Variants in THRB observed in about 807,000 individuals in gnomAD.
THRB encodes nuclear receptor subfamily 1 group A member 2.
A neutral mutation model predicts 47.8 loss-of-function variants in THRB; 12 were observed. The observed-to-expected ratio is 0.25, with a 90% CI of 0.16 to 0.41. The LOEUF (loss-of-function observed/expected upper bound fraction) is 0.41, where lower values mean the gene tolerates loss of function less well. Among genes scored for constraint, THRB ranks in the 10% least tolerant of loss-of-function variants. The probability of loss-of-function intolerance (pLI) is 1.00; values close to 1 mark genes in which losing one functional copy is unlikely to be tolerated. For synonymous variants in THRB, 218 were observed against 212.2 expected (o/e 1.03, Z -0.24); for missense variants, 348 against 589.2 (o/e 0.59, Z 4.24).
intron 9 of THRB, among the ~76,000 whole-genome samples, chr3:24,129,226 C>T (rs2033432382): frequency 1.3e-5 from 2 of 152,134 alleles, no homozygotes; most frequent in African/African-American, 4.8e-5. Flanking sequence ...CTGTGATTTG[C>T]TTTTGTCTAG....
chr3:24,334,307 T>C (rs754500893), intron 2 of THRB, among the ~76,000 whole-genome samples: 4 of 152,150 alleles, frequency 2.6e-5, no homozygotes, highest in Non-Finnish European at 4.4e-5. Flanking sequence ...CACCAGAAGT[T>C]CCACTCTGCT....
chr3:24,269,200 T>G (rs1295314930), intron 3 of THRB, among the ~76,000 whole-genome samples: 1 of 151,926 alleles, frequency 6.6e-6, no homozygotes, highest in Admixed American at 6.6e-5. Flanking sequence ...GGAGAAGGAT[T>G]AAGGTTTTAA....
chr3:24,494,228 T>G (rs1248638628), intron 1 of THRB: 11 of 152,280 alleles, frequency 7.2e-5, no homozygotes, highest in Admixed American at 6.5e-4. Context: ...GCCAACCTTT[T>G]CCGAACCCCC....
intron 3 of THRB, among the ~76,000 whole-genome samples, chr3:24,236,227 A>G (rs1051316885): frequency 2.0e-5 from 3 of 152,170 alleles, no homozygotes; most frequent in African/African-American, 7.2e-5. Flanking sequence ...AATCCCAGGT[A>G]TGGAGGAAAG....
At chr3:24,294,243 T>G (rs1423926814) in intron 3 of THRB, among the ~76,000 whole-genome samples, 3 of 152,210 alleles carry the variant, frequency 2.0e-5, no homozygotes. Context: ...GAAAGTTAGA[T>G]GCCTGGCCAA....
At chr3:24,237,054 T>C (rs2048944801) in intron 3 of THRB, among the ~76,000 whole-genome samples, 1 of 152,152 alleles carries the variant, frequency 6.6e-6, no homozygotes, top group Non-Finnish European at 1.5e-5. Context: ...TATGAAAAGC[T>C]AGCGTAGTTA....
At chr3:24,345,915 T>C (rs898123605) in intron 1 of THRB, among the ~76,000 whole-genome samples, 6 of 151,954 alleles carry the variant, frequency 3.9e-5, no homozygotes, top group Non-Finnish European at 7.4e-5. Flanking sequence ...ATTTATTTTA[T>C]GTCAATGAGA....
At chr3:24,421,187 G>A (rs2069226923) in intron 1 of THRB, among the ~76,000 whole-genome samples, 2 of 151,802 alleles carry the variant, frequency 1.3e-5, no homozygotes, top group Admixed American at 1.3e-4. Context: ...ATAGACAGTG[G>A]GCCTATTGGA....
chr3:24,292,140 T>A (rs549595644), intron 3 of THRB, among the ~76,000 whole-genome samples: 1 of 152,160 alleles, frequency 6.6e-6, no homozygotes, highest in Non-Finnish European at 1.5e-5. Flanking sequence ...CTGTGTTACA[T>A]ACAATGTGTG....
chr3:24,284,930 C>T (rs2055088181), intron 3 of THRB, among the ~76,000 whole-genome samples: 1 of 152,044 alleles, frequency 6.6e-6, no homozygotes, highest in Non-Finnish European at 1.5e-5. Context: ...AGTCAGGAAA[C>T]AACAGGTGCT....
chr3:24,381,116 A>C (rs1354880799), intron 1 of THRB, among the ~76,000 whole-genome samples: 1 of 147,928 alleles, frequency 6.8e-6, no homozygotes, highest in East Asian at 1.9e-4. Context: ...TCTGCCTCAA[A>C]AAAAAAAAAA....
At chr3:24,293,851 C>T (rs947759128) in intron 3 of THRB, among the ~76,000 whole-genome samples, 1 of 152,204 alleles carries the variant, frequency 6.6e-6, no homozygotes, top group African/African-American at 2.4e-5. Flanking sequence ...ATTACCCACC[C>T]TACTCAGACT....
chr3:24,308,369 T>C (rs759473977), intron 2 of THRB, among the ~76,000 whole-genome samples: 36 of 152,174 alleles, frequency 2.4e-4, no homozygotes, highest in Non-Finnish European at 4.4e-4. Flanking sequence ...AATACAAGGT[T>C]AGGGTGTTAC....
intron 3 of THRB, among the ~76,000 whole-genome samples, chr3:24,230,717 C>T (rs1025035492): frequency 3.3e-5 from 5 of 152,146 alleles, no homozygotes; most frequent in Admixed American, 2.6e-4. Context: ...TCACATGCTA[C>T]CACTCCTGAA....
intron 1 of THRB, among the ~76,000 whole-genome samples, chr3:24,400,414 G>A (rs1226476857): frequency 6.6e-6 from 1 of 151,958 alleles, no homozygotes; most frequent in Non-Finnish European, 1.5e-5. Flanking sequence ...TCCCAACTCA[G>A]GTATGTGTAC....
At chr3:24,260,616 G>A (rs1263057963) in intron 3 of THRB, among the ~76,000 whole-genome samples, 1 of 152,104 alleles carries the variant, frequency 6.6e-6, no homozygotes, top group Non-Finnish European at 1.5e-5. Flanking sequence ...TAGACACATG[G>A]CCATGAACTC....
chr3:24,238,267 G>A (rs943826706), intron 3 of THRB, among the ~76,000 whole-genome samples: 30 of 18,260 alleles, frequency 1.6e-3, no homozygotes, highest in African/African-American at 4.6e-3. Context: ...GTGTGTATGT[G>A]TGTGTGTGTG....
At chr3:24,319,600 T>G (rs1189855937) in intron 2 of THRB, among the ~76,000 whole-genome samples, 1 of 152,210 alleles carries the variant, frequency 6.6e-6, no homozygotes, top group Non-Finnish European at 1.5e-5. Context: ...ATGGGCAAAC[T>G]TCAGTGTTGC....
At chr3:24,234,753 A>G (rs2048694605) in intron 3 of THRB, among the ~76,000 whole-genome samples, 1 of 152,224 alleles carries the variant, frequency 6.6e-6, no homozygotes, top group Non-Finnish European at 1.5e-5. Context: ...CAATGGTGAT[A>G]TGTGAGTTTG....
Sources: gnomAD v4.1 joint callset for allele counts (sites outside exome capture counted in the v4.1 genomes callset) on GRCh38, gnomAD v4.1.1 for gene constraint, MANE v1.5 for transcripts, NCBI Gene and HGNC (gene_info 2026-07-23, HGNC 2026-07-21) for gene names.